The following FRAS1 variants were observed in gnomAD, a reference collection of about 807,000 sequenced individuals.
FRAS1 encodes extracellular matrix organizing protein FRAS1.
In FRAS1, 290 loss-of-function variants were observed where a neutral mutation model predicts 435.2. The ratio of observed to expected loss-of-function variants is 0.67; its 90% CI spans 0.61 to 0.73. FRAS1 has a LOEUF of 0.73. FRAS1 is among the 30% of genes least tolerant of loss of function. FRAS1 has a pLI of 0.00. For synonymous variants in FRAS1, 1,800 were observed against 1,851.0 expected, an observed-to-expected ratio of 0.97 and a Z score of 0.71; for missense variants, 4,860 against 5,001.5, an observed-to-expected ratio of 0.97 and a Z score of 0.85.
intron 28 of FRAS1, among the ~76,000 whole-genome samples, chr4:78,384,905 C>T (rs1246996677): frequency 5.7e-5 from 4 of 70,354 alleles, no homozygotes; most frequent in African/African-American, 2.4e-4. Context: ...GAGACCCTGT[C>T]TCAAAAAAAA....
intron 49 of FRAS1, among the ~76,000 whole-genome samples, chr4:78,465,829 A>G (rs1433839098): frequency 6.6e-6 from 1 of 152,202 alleles, no homozygotes; most frequent in Admixed American, 6.5e-5. Flanking sequence ...ATGAGAAGCT[A>G]GCTTCTGTTG....
At chr4:78,130,122 T>G (rs1192376721) in intron 2 of FRAS1, among the ~76,000 whole-genome samples, 1 of 152,208 alleles carries the variant, frequency 6.6e-6, no homozygotes, top group African/African-American at 2.4e-5. Context: ...CAATCTCTCC[T>G]TGCTCTTCCT....
intron 1 of FRAS1, among the ~76,000 whole-genome samples, chr4:78,061,279 A>C (rs924010572): frequency 4.6e-5 from 7 of 152,170 alleles, no homozygotes; most frequent in Non-Finnish European, 8.8e-5. Flanking sequence ...AACTTAATAA[A>C]ATCAAGAAGT....
rs1726420970 is a variant in FRAS1, at chr4:78,267,422, A to T, written c.971A>T (p.Glu324Val). Reference sequence around the variant, plus strand: ...CAGACTGGAGAGTGTGCCAAAGTGGAGTGTGCCCGGGTAAGAAGCAGGGGC... The same window carrying T: ...CAGACTGGAGAGTGTGCCAAAGTGGTGTGTGCCCGGGTAAGAAGCAGGGGC... ...TCQTGECAKVECARDEELIHL... is the reference protein window; with the variant it reads ...TCQTGECAKVVCARDEELIHL... The change falls in exon 9 of 74, where the codon GAG (glutamate) becomes GTG (valine). Residue 324 changes from glutamate (E) to valine (V), a missense_variant. Coordinates refer to ENST00000512123, the MANE Select transcript of FRAS1 (RefSeq NM_025074.7). The T allele has an allele frequency of 3.1e-6, 5 of 1,613,578 alleles. No individual in the cohort carries two copies. The highest frequency in any genetic ancestry group is 4.2e-6 in the Non-Finnish European group (5 of 1,179,748).
At chr4:78,160,352 A>C (rs1028439246) in intron 2 of FRAS1, among the ~76,000 whole-genome samples, 3 of 152,244 alleles carry the variant, frequency 2.0e-5, no homozygotes, top group African/African-American at 4.8e-5. Context: ...ATAGTGTTTA[A>C]AAAATTTTGA....
At chr4:78,203,741 T>C (rs1723141762) in intron 2 of FRAS1, among the ~76,000 whole-genome samples, 1 of 152,110 alleles carries the variant, frequency 6.6e-6, no homozygotes, top group South Asian at 2.1e-4. Context: ...TAATTTTTCA[T>C]ATTTTTAGTA....
At position 78,272,351 on chromosome 4, in the gene FRAS1, A is replaced by T. The variant is rs373407249; in HGVS notation, c.981+4919A>T. ...TTTGTCAATTTTGGCTTTTGTTGCC[A>T]TTGCTTTTGGTGTTTTAGACATGAA... On this transcript the variant is annotated intron_variant, in intron 9 of 73. Transcript: ENST00000512123. Among the ~76,000 whole-genome samples the T allele has an allele frequency of 9.2e-5, 14 of 152,280 alleles. No homozygotes were observed. The East Asian group carries it at 2.5e-3, about 27-fold the overall frequency.
rs189558181 is a variant in FRAS1, at chr4:78,420,445, C to T, written c.4540+1382C>T. On this transcript the variant is annotated intron_variant, in intron 33 of 73. Coordinates refer to ENST00000512123, the MANE Select transcript of FRAS1 (RefSeq NM_025074.7). ...GTTCAACATCAAGCCTGACATGTGC[C>T]CTCCTTTTAAGGAGTGAATAGGACA... 3.6e-3 allele frequency among the ~76,000 whole-genome samples: 390 copies of T among 108,116 alleles called. 1 individual carries two copies. Among genetic ancestry groups the T allele is most frequent in the African/African-American group, 0.011 (376 of 34,534 alleles). 70.9% of individuals were successfully genotyped at this position (108,116 alleles called of 152,430 possible).
intron 9 of FRAS1, among the ~76,000 whole-genome samples, chr4:78,276,611 C>T (rs146878172): frequency 0.027 from 4,078 of 152,306 alleles, 185 homozygotes; most frequent in African/African-American, 0.09. Flanking sequence ...GTATCAGCAG[C>T]GGAGGCTGCA....
Position 78,407,654 on chromosome 4 carries a change from C to T in FRAS1, c.4130-9C>T, listed in dbSNP as rs1346457180. ...ACCCTCACTAACTATGTGGCCTGTG[C>T]CTTCCTAGGGGAGGTGGTCCTTCTA... On this transcript the variant is annotated splice_polypyrimidine_tract_variant and intron_variant, in intron 30 of 73. Coordinates refer to ENST00000512123, the MANE Select transcript of FRAS1 (RefSeq NM_025074.7). The T allele has an allele frequency of 1.2e-6, 2 of 1,607,100 alleles. No homozygotes were observed. Among genetic ancestry groups the T allele is most frequent in the East Asian group, 4.5e-5 (2 of 44,612 alleles).
At chr4:78,539,208 T>C in intron 72 of FRAS1, 86 bp from the exon 73 acceptor site, 2 of 1,329,402 alleles carry the variant, frequency 1.5e-6, no homozygotes, top group East Asian at 2.3e-5. Flanking sequence ...GAGTGATGAG[T>C]ACTTTTCTCC....
intron 2 of FRAS1, among the ~76,000 whole-genome samples, chr4:78,196,525 C>T (rs1268979628): frequency 6.6e-6 from 1 of 151,992 alleles, no homozygotes; most frequent in Non-Finnish European, 1.5e-5. Context: ...TAGAATAATC[C>T]TTATTTACTC....
intron 2 of FRAS1, among the ~76,000 whole-genome samples, chr4:78,129,252 C>T (rs983200784): frequency 6.6e-6 from 1 of 152,042 alleles, no homozygotes; most frequent in Non-Finnish European, 1.5e-5. Context: ...TTTTTTGGTT[C>T]CATATGAACT....
At chr4:78,481,711 C>A in intron 56 of FRAS1, 93 bp from the exon 57 acceptor site, 2 of 1,384,164 alleles carry the variant, frequency 1.4e-6, no homozygotes, top group Non-Finnish European at 2.0e-6. Context: ...TAAAAGCTGC[C>A]ACTATTGCAG....
intron 2 of FRAS1, among the ~76,000 whole-genome samples, chr4:78,098,966 C>T (rs371248622): frequency 6.6e-6 from 1 of 152,124 alleles, no homozygotes; most frequent in Non-Finnish European, 1.5e-5. Context: ...GGTGGGATGG[C>T]AGGGGAGATG....
intron 50 of FRAS1, among the ~76,000 whole-genome samples, chr4:78,468,499 A>ATCATCATCATCATCG (rs1719604952): frequency 6.6e-6 from 1 of 152,074 alleles, no homozygotes; most frequent in Admixed American, 6.6e-5. Context: ...CATCATCATC[A>ATCATCATCATCATCG]TCATCATCAT....
At position 78,059,040 on chromosome 4, in the gene FRAS1, G is replaced by C. The variant is rs193168591; in HGVS notation, c.76+955G>C. 6.0e-3 allele frequency among the ~76,000 whole-genome samples: 921 copies of C among 152,280 alleles called. 7 individuals are homozygous for C. Among genetic ancestry groups the C allele is most frequent in the African/African-American group, 0.021 (865 of 41,578 alleles). ...CGCCTGGCTCTCGGCTTCCCCTCCC[G>C]GCTCCATTCATTATTCATCCAGCTG... On this transcript the variant is annotated intron_variant, in intron 1 of 73. Coordinates refer to ENST00000512123, the MANE Select transcript of FRAS1 (RefSeq NM_025074.7).
chr4:78,327,453 T>C (rs1395232183), intron 18 of FRAS1, among the ~76,000 whole-genome samples: 1 of 152,076 alleles, frequency 6.6e-6, no homozygotes, highest in Non-Finnish European at 1.5e-5. Flanking sequence ...AGAAAAACAA[T>C]AGTAGTATCG....
In FRAS1 at chr4:78,519,433, A is replaced by G. The variant is rs1721318958; in HGVS notation, c.10492A>G (p.Thr3498Ala). 1 of 1,612,230 alleles carries G rather than the reference A, an allele frequency of 6.2e-7. No homozygotes were observed. The highest frequency in any genetic ancestry group is 1.7e-5 in the Admixed American group (1 of 59,638). Residue 3498 changes from threonine to alanine, a missense_variant, in exon 67 of 74, where the codon ACC (threonine) becomes GCC (alanine). By Grantham distance (58) the Thr-to-Ala change is moderately conservative. Coordinates refer to ENST00000512123, the MANE Select transcript of FRAS1 (RefSeq NM_025074.7). ...GGGCTGGGCCTCCTTGGAGCACCAC[A>G]CCGAGATGGAGTTTTCTTTCTTCTA... ...PRGWASLEHH[T>A]EMEFSFFYDT...
Sources: gnomAD v4.1 joint callset for allele counts (sites outside exome capture counted in the v4.1 genomes callset) on GRCh38, gnomAD v4.1.1 for gene constraint, MANE v1.5 for transcripts, NCBI Gene and HGNC (gene_info 2026-07-23, HGNC 2026-07-21) for gene names.